Variants in FDFT1 observed in about 807,000 individuals in gnomAD.
FDFT1 encodes the protein farnesyl-diphosphate farnesyltransferase 1.
Under a neutral mutation model 46.8 loss-of-function variants are expected in FDFT1, and 68 were observed. The ratio of observed to expected loss-of-function variants is 1.45; its 90% CI spans 1.19 to 1.78. The LOEUF is 1.78. Among genes scored for constraint, FDFT1 ranks in the 40% most tolerant of loss-of-function variants. The pLI, the probability that FDFT1 is intolerant of heterozygous loss-of-function variation, is 0.00. For synonymous variants in FDFT1, 351 were observed against 185.1 expected (o/e 1.90, Z -7.28); for missense variants, 928 against 524.4 (o/e 1.77, Z -7.52).
chr8:11,808,395 G>GCCCGTTGTGGGTCGGC (rs1807176118), intron 1 of FDFT1: 26 of 1,235,822 alleles, frequency 2.1e-5, no homozygotes, highest in Middle Eastern at 6.2e-4. Context: ...TGCGGGGCGG[G>GCCCGTTGTGGGTCGGC]CCCGTTGTGG....
chr8:11,818,683 T>A (rs950737413), intron 3 of FDFT1, among the ~76,000 whole-genome samples: 9 of 152,074 alleles, frequency 5.9e-5, no homozygotes, highest in African/African-American at 2.2e-4. Flanking sequence ...AGGATTGCAT[T>A]CCCTGCTTTT....
chr8:11,806,881 C>G (rs571177424), intron 1 of FDFT1, among the ~76,000 whole-genome samples: 1 of 152,120 alleles, frequency 6.6e-6, no homozygotes, highest in African/African-American at 2.4e-5. Context: ...GTGCCAGACG[C>G]TGAAGTTTAC....
chr8:11,805,621 A>G (rs1183870060), intron 1 of FDFT1, among the ~76,000 whole-genome samples: 1 of 152,214 alleles, frequency 6.6e-6, no homozygotes, highest in South Asian at 2.1e-4. Flanking sequence ...TTTTTTAACC[A>G]CAACTTCCCA....
intron 1 of FDFT1, chr8:11,808,532 C>T (rs956132576): frequency 1.5e-6 from 2 of 1,335,088 alleles, no homozygotes; most frequent in Non-Finnish European, 1.9e-6. Flanking sequence ...CCGCAGCCGC[C>T]TGCGGCACCA....
chr8:11,810,283 G>A (rs544832398), intron 3 of FDFT1, among the ~76,000 whole-genome samples: 1 of 152,324 alleles, frequency 6.6e-6, no homozygotes, highest in African/African-American at 2.4e-5. Flanking sequence ...GCTCACAAAA[G>A]CCTGCCGACT....
At chr8:11,800,953 A>G (rs1201121366), upstream of FDFT1, among the ~76,000 whole-genome samples, 1 of 152,148 alleles carries the variant, frequency 6.6e-6, no homozygotes, top group African/African-American at 2.4e-5. Context: ...TTACAGTAGT[A>G]GGGGAAACAC....
intron 1 of FDFT1, among the ~76,000 whole-genome samples, chr8:11,797,183 C>G (rs1417488984): frequency 6.6e-6 from 1 of 152,202 alleles, no homozygotes. Context: ...TTAGCTAGTC[C>G]TCAATTTGGT....
intron 3 of FDFT1, among the ~76,000 whole-genome samples, chr8:11,817,856 C>G (rs935604014): frequency 1.3e-5 from 2 of 150,506 alleles, no homozygotes; most frequent in Admixed American, 1.3e-4. Flanking sequence ...GTGTGTCTAT[C>G]TCTTTCAGTT....
At chr8:11,797,638 C>CAAA (rs34350077), upstream of FDFT1, among the ~76,000 whole-genome samples, 2,376 of 74,378 alleles carry the variant, frequency 0.032, 112 homozygotes, top group Admixed American at 0.063. Flanking sequence ...CACACACACT[C>CAAA]AAAAAAAAAA....
In FDFT1 at chr8:11,838,887, C is replaced by T. The variant is rs1811945524; in HGVS notation, c.*278C>T. On this transcript the variant is annotated 3_prime_UTR_variant, in exon 8 of 8. Transcript: ENST00000220584. Reference sequence around the variant, plus strand: ...CAGTGCCACGGTTTAGGTGAAGTCGCTGCATATGTGACTGTCATGAGATCC... The same window carrying T: ...CAGTGCCACGGTTTAGGTGAAGTCGTTGCATATGTGACTGTCATGAGATCC... 6 of 441,412 alleles carry T rather than the reference C, an allele frequency of 1.4e-5. No homozygotes were observed. Among genetic ancestry groups the T allele is most frequent in the Non-Finnish European group, 2.5e-5 (6 of 242,892 alleles). 27.3% of individuals were successfully genotyped at this position (441,412 alleles called of 1,614,324 possible). A position where few individuals can be genotyped will look rare whatever the true frequency, so the allele number is the denominator to read the frequency against.
intron 7 of FDFT1, among the ~76,000 whole-genome samples, chr8:11,837,721 A>G (rs1266350202): frequency 6.6e-6 from 1 of 152,128 alleles, no homozygotes; most frequent in Non-Finnish European, 1.5e-5. Flanking sequence ...GTGACAGTGT[A>G]GAGCAGACAG....
chr8:11,831,499 C>T lies in FDFT1; in HGVS notation c.880-19C>T, dbSNP rs756314607. ...CGACATCATTTCTTCTTTTTTCCCT[C>T]TCTTCTTGTTGTCTCTAGGTGATGG... On this transcript the variant is annotated intron_variant, in intron 6 of 7. Transcript: ENST00000220584. The T allele has an allele frequency of 2.5e-6, 4 of 1,602,608 alleles. No individual in the cohort carries two copies. The highest frequency in any genetic ancestry group is 2.2e-5 in the South Asian group (2 of 89,248).
chr8:11,822,021 T>C lies in FDFT1; in HGVS notation c.510+143T>C, dbSNP rs1048896807. ...TCATCTGTTTAGGTTGAATGTCTCA[T>C]CATAAACAGTTTATTCCAGAGTTAA... is the stretch of plus-strand genomic sequence containing the variant. On this transcript the variant is annotated intron_variant, in intron 4 of 7. Transcript: ENST00000220584. 9 of 951,686 alleles carry C rather than the reference T, an allele frequency of 9.5e-6. No homozygotes were observed. The South Asian group carries it at 1.1e-4, about 12-fold the overall frequency. 59.0% of individuals were successfully genotyped at this position (951,686 alleles called of 1,614,324 possible).
chr8:11,809,429 G>T, intron 2 of FDFT1: 1 of 1,252,094 alleles, frequency 8.0e-7, no homozygotes, highest in Non-Finnish European at 1.0e-6. Context: ...TCACTTCTGG[G>T]AGTAGTGGTG....
At chr8:11,834,176 T>G (rs934816159) in intron 7 of FDFT1, among the ~76,000 whole-genome samples, 1 of 152,172 alleles carries the variant, frequency 6.6e-6, no homozygotes. Flanking sequence ...GGAAGGGACT[T>G]GCCAGAGGAC....
At chr8:11,808,625 G>T (rs1213212230) in intron 1 of FDFT1, 169 bp from the exon 2 acceptor site, 2 of 1,393,612 alleles carry the variant, frequency 1.4e-6, no homozygotes, top group African/African-American at 1.5e-5. Context: ...CCGCCCCGCG[G>T]GGCTGCTGCT....
chr8:11,814,720 C>G (rs181428073), intron 3 of FDFT1, among the ~76,000 whole-genome samples: 2 of 152,324 alleles, frequency 1.3e-5, no homozygotes, highest in Admixed American at 1.3e-4. Flanking sequence ...ATGCCTCATA[C>G]TGAGTTGTTT....
At chr8:11,802,322 G>A (rs781034521), upstream of FDFT1, 2 of 405,044 alleles carry the variant, frequency 4.9e-6, no homozygotes, top group African/African-American at 2.1e-5. Context: ...GGACACGTGG[G>A]CGACTTATTG....
chr8:11,816,230 T>C (rs1208795003), intron 3 of FDFT1, among the ~76,000 whole-genome samples: 4 of 152,216 alleles, frequency 2.6e-5, no homozygotes, highest in Non-Finnish European at 4.4e-5. Flanking sequence ...GGTGTACATA[T>C]CTGTTTTGGT....
Sources: gnomAD v4.1 joint callset for allele counts (sites outside exome capture counted in the v4.1 genomes callset) on GRCh38, gnomAD v4.1.1 for gene constraint, MANE v1.5 for transcripts, NCBI Gene and HGNC (gene_info 2026-07-23, HGNC 2026-07-21) for gene names.